THSD7A: variants seen among roughly 807,000 people sequenced by gnomAD.
THSD7A encodes the protein thrombospondin type 1 domain containing 7A.
A neutral mutation model predicts 231.3 loss-of-function variants in THSD7A; 96 were observed. The observed-to-expected ratio is 0.41, with a 90% CI of 0.35 to 0.49. The LOEUF is 0.49. THSD7A is among the 20% of genes least tolerant of loss of function. The pLI is 0.05. For synonymous variants in THSD7A, 940 were observed against 743.3 expected, an observed-to-expected ratio of 1.26 and a Z score of -4.30; for missense variants, 2,290 against 2,070.2, an observed-to-expected ratio of 1.11 and a Z score of -2.06.
intron 15 of THSD7A, 43 bp from the exon 16 acceptor site, chr7:11,424,872 A>G: frequency 1.2e-6 from 2 of 1,611,172 alleles, no homozygotes; most frequent in Non-Finnish European, 1.7e-6. Flanking sequence ...GAATCTGGTA[A>G]GAGTGAGGAG....
chr7:11,635,184 T>A (rs552075434), intron 2 of THSD7A, among the ~76,000 whole-genome samples: 2 of 152,210 alleles, frequency 1.3e-5, no homozygotes, highest in Admixed American at 6.5e-5. Flanking sequence ...GAGAATAGAC[T>A]GTGTGATAGA....
chr7:11,780,844 A>T (rs1783599940), intron 1 of THSD7A, among the ~76,000 whole-genome samples: 1 of 151,482 alleles, frequency 6.6e-6, no homozygotes, highest in African/African-American at 2.4e-5. Context: ...ACAAAAAATT[A>T]GCCGGGCGCG....
chr7:11,630,938 G>C (rs1296427499), intron 2 of THSD7A, among the ~76,000 whole-genome samples: 1 of 152,174 alleles, frequency 6.6e-6, no homozygotes, highest in Non-Finnish European at 1.5e-5. Context: ...TTGCAGTCTG[G>C]AGATGGCTGC....
At chr7:11,388,036 T>G (rs1371413009) in intron 23 of THSD7A, among the ~76,000 whole-genome samples, 3 of 152,194 alleles carry the variant, frequency 2.0e-5, no homozygotes, top group African/African-American at 7.2e-5. Context: ...CAGCCTTGCA[T>G]CCCAGGGATG....
intron 16 of THSD7A, among the ~76,000 whole-genome samples, chr7:11,420,503 C>T (rs117736817): frequency 0.021 from 3,145 of 152,336 alleles, 45 homozygotes; most frequent in Non-Finnish European, 0.032. Context: ...GAGCCTCCAC[C>T]CGGATTTCAG....
intron 4 of THSD7A, among the ~76,000 whole-genome samples, chr7:11,587,101 G>A (rs1779940911): frequency 6.6e-6 from 1 of 152,084 alleles, no homozygotes; most frequent in Admixed American, 6.6e-5. Flanking sequence ...TTGAGTTACT[G>A]TAGGTAAAAT....
intron 4 of THSD7A, among the ~76,000 whole-genome samples, chr7:11,581,256 T>A (rs567155309): frequency 6.6e-6 from 1 of 152,130 alleles, no homozygotes; most frequent in Non-Finnish European, 1.5e-5. Flanking sequence ...TAACTGGGTA[T>A]TTATACGTAC....
intron 19 of THSD7A, among the ~76,000 whole-genome samples, chr7:11,408,081 A>G (rs984330211): frequency 6.6e-6 from 1 of 152,164 alleles, no homozygotes; most frequent in Non-Finnish European, 1.5e-5. Flanking sequence ...TCAGATAATA[A>G]TGTTGTGCCA....
At chr7:11,624,691 T>A (rs1021203468) in intron 2 of THSD7A, among the ~76,000 whole-genome samples, 3 of 152,158 alleles carry the variant, frequency 2.0e-5, no homozygotes, top group African/African-American at 4.8e-5. Flanking sequence ...ATTTATTTTT[T>A]ACCAAGTATG....
chr7:11,589,048 G>A (rs1780043666), intron 4 of THSD7A, among the ~76,000 whole-genome samples: 1 of 152,130 alleles, frequency 6.6e-6, no homozygotes, highest in African/African-American at 2.4e-5. Context: ...CTTTTTGGGA[G>A]GGGCAGAGAA....
chr7:11,707,878 CT>C (rs1010166090), intron 1 of THSD7A, among the ~76,000 whole-genome samples: 5 of 150,130 alleles, frequency 3.3e-5, no homozygotes, highest in East Asian at 3.9e-4. Context: ...TTTCTACTTT[CT>C]TTTTTTTTGA....
chr7:11,568,453 G>A (rs941890497), intron 4 of THSD7A, among the ~76,000 whole-genome samples: 6 of 151,558 alleles, frequency 4.0e-5, no homozygotes, highest in African/African-American at 1.2e-4. Context: ...GTGAAACCCC[G>A]TCTCTACTAA....
chr7:11,510,690 T>C (rs1020071288), intron 6 of THSD7A, among the ~76,000 whole-genome samples: 2 of 152,134 alleles, frequency 1.3e-5, no homozygotes. Context: ...ATTATCTCAA[T>C]AGATGCAAAA....
At chr7:11,640,512 C>T (rs113451565) in intron 1 of THSD7A, among the ~76,000 whole-genome samples, 2,677 of 152,052 alleles carry the variant, frequency 0.018, 76 homozygotes, top group African/African-American at 0.059. Context: ...CGCAGTGTAA[C>T]CTTGAGAACC....
intron 9 of THSD7A, among the ~76,000 whole-genome samples, chr7:11,465,392 G>A (rs1785661914): frequency 6.6e-6 from 1 of 152,050 alleles, no homozygotes; most frequent in Non-Finnish European, 1.5e-5. Flanking sequence ...GCCTATCCAG[G>A]ATAGGAATGG....
chr7:11,445,082 A>T (rs559614313), intron 13 of THSD7A, among the ~76,000 whole-genome samples: 160 of 151,956 alleles, frequency 1.1e-3, no homozygotes, highest in African/African-American at 3.6e-3. Flanking sequence ...TCTGAACCAT[A>T]TAATAAAACT....
chr7:11,522,088 C>A (rs779865433), intron 6 of THSD7A, among the ~76,000 whole-genome samples: 1 of 152,056 alleles, frequency 6.6e-6, no homozygotes, highest in Non-Finnish European at 1.5e-5. Flanking sequence ...GAATTAGGAC[C>A]TGATAAAAAT....
rs373471670 is a variant in THSD7A at position 11,411,175 on chromosome 7, A to G, written c.3798+32T>C. 1.3e-4 allele frequency: 198 copies of G among 1,521,958 alleles called. 1 individual carries two copies. The highest frequency in any genetic ancestry group is 1.7e-4 in the Non-Finnish European group (187 of 1,099,856). 94.3% of individuals were successfully genotyped at this position (1,521,958 alleles called of 1,614,324 possible). On this transcript the variant is annotated intron_variant, in intron 19 of 27. Coordinates refer to ENST00000423059, the MANE Select transcript of THSD7A (RefSeq NM_015204.3). The surrounding 1 kb of genome is among the most constrained non-coding windows in gnomAD (Gnocchi z 4.1). ...AATTGAAATTATTAGGGAAGAATTT[A>G]CTCGCGAAGATATAACACAGCATCC...
At chr7:11,556,772 G>A (rs1562715859) in intron 4 of THSD7A, among the ~76,000 whole-genome samples, 1 of 151,964 alleles carries the variant, frequency 6.6e-6, no homozygotes, top group South Asian at 2.1e-4. Context: ...TTTTCCTCTA[G>A]CACTTGAAAA....
Sources: allele counts gnomAD v4.1 joint callset (sites outside exome capture counted in the v4.1 genomes callset), GRCh38; gene constraint gnomAD v4.1.1; non-coding constraint Gnocchi (gnomAD v3.1); transcripts MANE v1.5; gene names NCBI Gene and HGNC (gene_info 2026-07-23, HGNC 2026-07-21).